The following LIMD1 variants were observed in gnomAD, a reference collection of about 807,000 sequenced individuals.
LIMD1 encodes LIM domain-containing protein 1.
A neutral mutation model predicts 58.4 loss-of-function variants in LIMD1; 23 were observed. The observed-to-expected ratio is 0.39, with a 90% confidence interval of 0.28 to 0.56. The LOEUF (loss-of-function observed/expected upper bound fraction) is 0.56. LIMD1 is among the 20% of genes least tolerant of loss of function. LIMD1 has a pLI of 0.57. For synonymous variants in LIMD1, 334 were observed against 345.5 expected (o/e 0.97, Z 0.37); for missense variants, 838 against 855.5 (o/e 0.98, Z 0.25).
At chr3:45,650,370 G>T (rs1172126375) in intron 2 of LIMD1, among the ~76,000 whole-genome samples, 1 of 151,698 alleles carries the variant, frequency 6.6e-6, no homozygotes, top group Admixed American at 6.6e-5. Flanking sequence ...AAGTTCTGGG[G>T]TACATGTGCA....
intron 1 of LIMD1, among the ~76,000 whole-genome samples, chr3:45,628,007 C>A (rs200704267): frequency 2.8e-3 from 307 of 111,528 alleles, no homozygotes; most frequent in South Asian, 5.5e-3. Context: ...GACCCCATCT[C>A]AAAAAAAAAA....
chr3:45,616,316 C>T (rs923781791), intron 1 of LIMD1, among the ~76,000 whole-genome samples: 1 of 152,148 alleles, frequency 6.6e-6, no homozygotes, highest in Non-Finnish European at 1.5e-5. Flanking sequence ...CTCACTCTCT[C>T]GAGGGACAGC....
At chr3:45,647,993 C>T (rs1010762169) in intron 2 of LIMD1, among the ~76,000 whole-genome samples, 1 of 151,988 alleles carries the variant, frequency 6.6e-6, no homozygotes, top group African/African-American at 2.4e-5. Flanking sequence ...CTCTCCTGAT[C>T]TTGGGTCCCA....
At chr3:45,663,345 G>T (rs1697468691) in intron 2 of LIMD1, among the ~76,000 whole-genome samples, 1 of 152,156 alleles carries the variant, frequency 6.6e-6, no homozygotes, top group South Asian at 2.1e-4. Context: ...TGGATTATGT[G>T]TATTTTCAGA....
Position 45,595,541 on chromosome 3 carries a change from C to A in LIMD1, c.662C>A (p.Pro221His). Reference protein sequence around the residue: ...SPGSDPPLPKPCGDHPLNHRQ... With the variant: ...SPGSDPPLPKHCGDHPLNHRQ... ...GGGAGTGACCCACCACTGCCCAAAC[C>A]CTGCGGGGACCATCCCCTAAATCAC... The change falls in exon 1 of 8, where the codon CCC (proline) becomes CAC (histidine). Residue 221 changes from proline (P) to histidine (H), a missense_variant. Transcript: ENST00000273317. The A allele has an allele frequency of 6.2e-7, 1 of 1,614,062 alleles. No homozygotes were observed. The highest frequency in any genetic ancestry group is 8.5e-7 in the Non-Finnish European group (1 of 1,180,022).
intron 1 of LIMD1, among the ~76,000 whole-genome samples, chr3:45,604,779 C>T (rs1474440725): frequency 6.6e-6 from 1 of 152,134 alleles, no homozygotes; most frequent in Non-Finnish European, 1.5e-5. Context: ...GACATGGATT[C>T]CCACAGCGTC....
intron 1 of LIMD1, among the ~76,000 whole-genome samples, chr3:45,620,320 G>T (rs896643592): frequency 7.2e-5 from 11 of 152,148 alleles, no homozygotes; most frequent in Non-Finnish European, 1.5e-4. Context: ...GAAGGGTATT[G>T]TAACCCAGAG....
chr3:45,607,472 A>G (rs1369009161), intron 1 of LIMD1, among the ~76,000 whole-genome samples: 2 of 151,296 alleles, frequency 1.3e-5, no homozygotes, highest in African/African-American at 4.9e-5. Flanking sequence ...AGGATGGGTT[A>G]CTCCCGGTTA....
rs1559510539 is a variant in LIMD1, at chr3:45,594,793, A to ACACACACACACACACACACACACACAC, written c.-86_-60dup. ...CGCTGCCCTCAACACACACACACAC[A>ACACACACACACACACACACACACACAC]CACACACACACACACACACACACAC... On this transcript the variant is annotated 5_prime_UTR_variant, in exon 1 of 8. Coordinates refer to ENST00000273317, the MANE Select transcript of LIMD1 (RefSeq NM_014240.3). 6.4e-3 allele frequency: 625 copies of ACACACACACACACACACACACACACAC among 98,006 alleles called. 6 individuals are homozygous for ACACACACACACACACACACACACACAC. The highest frequency in any genetic ancestry group is 0.048 in the East Asian group (102 of 2,146). The allele number at this position is 98,006 out of a possible 1,614,324, so 6.1% of individuals were successfully genotyped here.
intron 2 of LIMD1, among the ~76,000 whole-genome samples, chr3:45,654,088 G>A (rs78112146): frequency 0.04 from 6,033 of 152,208 alleles, 128 homozygotes; most frequent in African/African-American, 0.061. Flanking sequence ...CTAAATTTTT[G>A]ATGTTATCTT....
chr3:45,674,470 C>T lies in LIMD1; in HGVS notation c.1893+59C>T, dbSNP rs571527027. The T allele has an allele frequency of 4.8e-4, 579 of 1,215,058 alleles. 1 individual carries two copies. The African/African-American group carries it at 7.3e-3, about 15-fold the overall frequency. 75.3% of individuals were successfully genotyped at this position (1,215,058 alleles called of 1,614,324 possible). On this transcript the variant is annotated intron_variant, in intron 7 of 7. Transcript: ENST00000273317. The stretch of plus-strand genomic sequence containing the variant: ...TTGTAGACATCCAAGAGAAAAGCAT[C>T]CTGCGTTGACTGGGGCAAGAGGCAG...
chr3:45,608,455 C>T (rs79825178), intron 1 of LIMD1, among the ~76,000 whole-genome samples: 4,021 of 152,198 alleles, frequency 0.026, 67 homozygotes, highest in Non-Finnish European at 0.043. Context: ...AGCCCACTGA[C>T]GGAGTGAAGA....
At chr3:45,645,632 C>T (rs1383179350) in intron 2 of LIMD1, among the ~76,000 whole-genome samples, 1 of 152,192 alleles carries the variant, frequency 6.6e-6, no homozygotes, top group African/African-American at 2.4e-5. Flanking sequence ...AGATGTTGCA[C>T]CGCAGTGCCT....
At position 45,674,348 on chromosome 3, in the gene LIMD1, A is replaced by G. The variant is rs746457041; in HGVS notation, c.1830A>G (p.Ser610=). Residue 610 remains serine (S), a synonymous_variant, in exon 7 of 8, where the codon TCA becomes TCG. Coordinates refer to ENST00000273317, the MANE Select transcript of LIMD1 (RefSeq NM_014240.3). Reference sequence around the variant, plus strand: ...TTGCTTTTCTCTGGTCCCAGGGCTCAGATGAGACCATCCGTGTCGTGTCCA... The same window carrying G: ...TTGCTTTTCTCTGGTCCCAGGGCTCGGATGAGACCATCCGTGTCGTGTCCA... ...CGLPILPPEG[S]DETIRVVSMD... 3.7e-6 allele frequency: 6 copies of G among 1,613,808 alleles called. No homozygotes were observed. The highest frequency in any genetic ancestry group is 3.3e-5 in the Admixed American group (2 of 60,006).
intron 7 of LIMD1, among the ~76,000 whole-genome samples, chr3:45,674,836 C>G (rs1356072381): frequency 1.3e-5 from 2 of 152,160 alleles, no homozygotes; most frequent in African/African-American, 4.8e-5. Context: ...CATGAAGCCC[C>G]TCTTGGAAAC....
intron 1 of LIMD1, among the ~76,000 whole-genome samples, chr3:45,623,570 G>A (rs1490033469): frequency 1.3e-5 from 2 of 152,194 alleles, no homozygotes; most frequent in African/African-American, 4.8e-5. Flanking sequence ...CGTTGGTTTT[G>A]AGGCCATGTG....
Position 45,676,940 on chromosome 3 carries a change from A to C in LIMD1, c.1912A>C (p.Asn638His), listed in dbSNP as rs1278822118. The C allele has an allele frequency of 6.2e-7, 1 of 1,614,126 alleles. No homozygotes were observed. Among genetic ancestry groups the C allele is most frequent in the Non-Finnish European group, 8.5e-7 (1 of 1,179,984 alleles). Residue 638 changes from asparagine to histidine, a missense_variant, in exon 8 of 8, where the codon AAT becomes CAT. Physicochemically the swap from Asn to His is moderately conservative, Grantham distance 68. Around this residue, in one of 3 missense-constraint regions of LIMD1, gnomAD observed 174 missense variants for 197.4 expected, o/e 0.88. Transcript: ENST00000273317. ...YHCEDCGLEL[N>H]DEDGHRCYPL... ...CCCACAGGACTGTGGTCTGGAGCTC[A>C]ATGATGAAGATGGCCACCGCTGTTA...
intron 2 of LIMD1, among the ~76,000 whole-genome samples, chr3:45,640,022 A>G (rs1232279948): frequency 6.6e-6 from 1 of 152,236 alleles, no homozygotes; most frequent in Non-Finnish European, 1.5e-5. Context: ...CCCATTGCAG[A>G]TGAGTCTGTG....
chr3:45,651,460 GT>G (rs1701973737), intron 2 of LIMD1, among the ~76,000 whole-genome samples: 1 of 152,078 alleles, frequency 6.6e-6, no homozygotes, highest in African/African-American at 2.4e-5. Context: ...GGTTTTTATG[GT>G]TTTTGGTCTT....
Sources: gnomAD v4.1 joint callset for allele counts (sites outside exome capture counted in the v4.1 genomes callset) on GRCh38, gnomAD v4.1.1 for gene constraint, gnomAD v4.1.1 regional missense constraint, MANE v1.5 for transcripts, NCBI Gene and HGNC (gene_info 2026-07-23, HGNC 2026-07-21) for gene names.